Variants in VPS26A observed in about 807,000 individuals in gnomAD.
VPS26A encodes the protein VPS26 retromer complex component A.
VPS26A carries 22 observed loss-of-function variants against 42.4 expected under a neutral mutation model. That is an observed-to-expected ratio of 0.52 (90% confidence interval 0.37 to 0.74). VPS26A has a LOEUF of 0.74. VPS26A is among the 30% of genes least tolerant of loss of function. The pLI is 0.00. For missense variants in VPS26A, 276 were observed against 379.2 expected, an observed-to-expected ratio of 0.73 and a Z score of 2.26; for synonymous variants, 110 against 123.5, an observed-to-expected ratio of 0.89 and a Z score of 0.73.
At chr10:69,147,793 A>C (rs1371121636) in intron 2 of VPS26A, among the ~76,000 whole-genome samples, 1 of 151,976 alleles carries the variant, frequency 6.6e-6, no homozygotes, top group Non-Finnish European at 1.5e-5. Flanking sequence ...GCTCACTGCA[A>C]CCTCCACCTT....
intron 2 of VPS26A, among the ~76,000 whole-genome samples, chr10:69,153,492 C>T (rs540412694): frequency 7.9e-4 from 119 of 150,458 alleles, no homozygotes; most frequent in African/African-American, 2.6e-3. Flanking sequence ...TACAGGCACA[C>T]ACGCCCCAAT....
At chr10:69,160,688 G>C (rs1462504272) in intron 5 of VPS26A, among the ~76,000 whole-genome samples, 2 of 151,248 alleles carry the variant, frequency 1.3e-5, no homozygotes, top group East Asian at 3.9e-4. Context: ...CTGACCTCAG[G>C]TGATCTGCCC....
intron 2 of VPS26A, among the ~76,000 whole-genome samples, chr10:69,136,759 T>A (rs35512233): frequency 6.6e-6 from 1 of 151,974 alleles, no homozygotes; most frequent in Non-Finnish European, 1.5e-5. Context: ...ATGCTTGACC[T>A]TTTTCCTTTT....
chr10:69,161,482 A>T (rs1348175188), intron 5 of VPS26A: 1 of 166,498 alleles, frequency 6.0e-6, no homozygotes, highest in Non-Finnish European at 1.3e-5. Flanking sequence ...AATATGAATA[A>T]TCAAAATGGT....
At chr10:69,159,806 A>G (rs1320297305) in intron 5 of VPS26A, among the ~76,000 whole-genome samples, 1 of 152,082 alleles carries the variant, frequency 6.6e-6, no homozygotes, top group African/African-American at 2.4e-5. Context: ...CTTTTTTCAC[A>G]TACTTTGTTC....
At chr10:69,133,778 C>T (rs1840846605) in intron 2 of VPS26A, 1 of 361,336 alleles carries the variant, frequency 2.8e-6, no homozygotes, top group South Asian at 2.3e-5. Context: ...CCTTGTACTC[C>T]TGGACTCAGG....
intron 5 of VPS26A, among the ~76,000 whole-genome samples, chr10:69,161,165 T>C (rs1841553816): frequency 6.6e-6 from 1 of 152,198 alleles, no homozygotes; most frequent in Non-Finnish European, 1.5e-5. Flanking sequence ...GCTCAAATTA[T>C]CATCTCACCT....
chr10:69,133,589 T>C (rs1388446460), intron 2 of VPS26A: 1 of 1,289,732 alleles, frequency 7.8e-7, no homozygotes, highest in East Asian at 5.5e-5. Flanking sequence ...TCAGATATGT[T>C]TATGACGCCT....
intron 2 of VPS26A, among the ~76,000 whole-genome samples, chr10:69,137,495 A>G (rs1241431507): frequency 6.6e-6 from 1 of 152,160 alleles, no homozygotes; most frequent in East Asian, 1.9e-4. Flanking sequence ...GTCTGTTCCT[A>G]TAGGTTGCCC....
chr10:69,157,091 G>A lies in VPS26A; in HGVS notation c.314G>A (p.Arg105Lys). ...LALPGELTQS[R>K]SYDFEFMQVE... ...TTACCTGGAGAACTGACTCAGAGCAGAAGTTATGATTTTGAATTTATGCAA... is the reference window on the plus strand; with the variant it reads ...TTACCTGGAGAACTGACTCAGAGCAAAAGTTATGATTTTGAATTTATGCAA... Residue 105 changes from arginine to lysine, a missense_variant, in exon 4 of 9, where the codon AGA (arginine) becomes AAA (lysine). Physicochemically the swap from Arg to Lys is conservative, Grantham distance 26. Coordinates refer to ENST00000263559, the MANE Select transcript of VPS26A (RefSeq NM_004896.5). 6.2e-7 allele frequency: 1 copy of A among 1,613,692 alleles called. No individual in the cohort carries two copies. The highest frequency in any genetic ancestry group is 8.5e-7 in the Non-Finnish European group (1 of 1,179,736).
chr10:69,153,712 T>A (rs895866238), intron 2 of VPS26A, among the ~76,000 whole-genome samples: 2 of 152,104 alleles, frequency 1.3e-5, no homozygotes, highest in East Asian at 3.8e-4. Flanking sequence ...TAAAAAGTTA[T>A]AAATTTGGCT....
At chr10:69,161,629 T>TC in intron 5 of VPS26A, 1 of 280,786 alleles carries the variant, frequency 3.6e-6, no homozygotes, top group East Asian at 8.9e-5. Flanking sequence ...TTACGGGGTT[T>TC]CCCCCATCTG....
intron 2 of VPS26A, 125 bp downstream of exon 2, chr10:69,133,172 T>G: frequency 1.0e-6 from 1 of 984,346 alleles, no homozygotes; most frequent in Non-Finnish European, 1.4e-6. Context: ...TTCCCTAAAG[T>G]TCAGCTAAAA....
chr10:69,160,283 C>G (rs1191162965), intron 5 of VPS26A, among the ~76,000 whole-genome samples: 2 of 151,926 alleles, frequency 1.3e-5, no homozygotes, highest in African/African-American at 4.8e-5. Flanking sequence ...CCTCAGCCTC[C>G]TGAGTAGCTG....
At chr10:69,155,543 CTT>C (rs1292404112) in intron 2 of VPS26A, among the ~76,000 whole-genome samples, 2 of 152,112 alleles carry the variant, frequency 1.3e-5, no homozygotes, top group African/African-American at 4.8e-5. Flanking sequence ...TTCTTTGAGT[CTT>C]TTTATAGTTC....
intron 2 of VPS26A, among the ~76,000 whole-genome samples, chr10:69,134,999 A>T (rs2132192196): frequency 6.6e-6 from 1 of 152,324 alleles, no homozygotes; most frequent in South Asian, 2.1e-4. Context: ...GAGCATGTCA[A>T]ATGAAAGAAG....
chr10:69,137,612 T>C (rs1344148254), intron 2 of VPS26A, among the ~76,000 whole-genome samples: 1 of 152,170 alleles, frequency 6.6e-6, no homozygotes, highest in Non-Finnish European at 1.5e-5. Flanking sequence ...TTACCTGGTT[T>C]GATCAATTCC....
At chr10:69,145,752 G>A (rs557963310) in intron 2 of VPS26A, among the ~76,000 whole-genome samples, 2 of 147,940 alleles carry the variant, frequency 1.4e-5, no homozygotes, top group Non-Finnish European at 1.5e-5. Context: ...TAGCCTAATT[G>A]AGTTATAATT....
chr10:69,158,522 T>C (rs1841482335), intron 5 of VPS26A, among the ~76,000 whole-genome samples: 1 of 152,072 alleles, frequency 6.6e-6, no homozygotes, highest in Admixed American at 6.6e-5. Flanking sequence ...ATCCTAGCCA[T>C]CTCTTTTCAC....
Sources: allele counts gnomAD v4.1 joint callset (sites outside exome capture counted in the v4.1 genomes callset), GRCh38; gene constraint gnomAD v4.1.1; transcripts MANE v1.5; gene names NCBI Gene and HGNC (gene_info 2026-07-23, HGNC 2026-07-21).